CFAP97: variants seen among roughly 807,000 people sequenced by gnomAD.
CFAP97 encodes the protein cilia and flagella associated protein 97, also known as cilia- and flagella-associated protein 97.
CFAP97 carries 36 observed loss-of-function variants against 43.1 expected under a neutral mutation model. The observed-to-expected ratio is 0.84, with a 90% CI of 0.64 to 1.10. The LOEUF (loss-of-function observed/expected upper bound fraction) is 1.10. CFAP97 is among the 50% of genes least tolerant of loss of function. The probability of loss-of-function intolerance (pLI) is 0.00; values close to 1 mark genes in which losing one functional copy is unlikely to be tolerated. For synonymous variants in CFAP97, 228 were observed against 225.7 expected (o/e 1.01, Z -0.09); for missense variants, 657 against 620.3 (o/e 1.06, Z -0.63).
Position 185,170,939 on chromosome 4 carries a change from T to C in CFAP97, c.1320+4847A>G, listed in dbSNP as rs1052233384. 4.0e-5 allele frequency among the ~76,000 whole-genome samples: 5 copies of C among 126,424 alleles called. No homozygotes were observed. The Admixed American group carries it at 5.3e-4, about 13-fold the overall frequency. 82.9% of individuals were successfully genotyped at this position (126,424 alleles called of 152,430 possible). A position where few individuals can be genotyped will look rare whatever the true frequency, so the allele number is the denominator to read the frequency against. On this transcript the variant is annotated intron_variant, in intron 3 of 4. Transcript: ENST00000458385. ...GGCAGAGGTTGCAGTGAGCCAAGAC[T>C]GAGCCACTTACTCCAGCCTGGGCGA...
intron 2 of CFAP97, among the ~76,000 whole-genome samples, chr4:185,178,158 C>A (rs939377930): frequency 6.7e-6 from 1 of 149,066 alleles, no homozygotes; most frequent in Non-Finnish European, 1.5e-5. Context: ...TTTTGTAGAA[C>A]AAGGCTTCTA....
upstream of CFAP97, chr4:185,209,679 G>T: frequency 1.1e-6 from 1 of 949,472 alleles, no homozygotes; most frequent in Non-Finnish European, 1.3e-6. This position sits in a 1 kb window ranked among gnomAD's most constrained non-coding sequence, Gnocchi z 5.2. Context: ...CTGAGGGGTC[G>T]CCGAGAGGGG....
intron 3 of CFAP97, chr4:185,169,609 T>C (rs1560855817): frequency 2.0e-6 from 2 of 983,698 alleles, no homozygotes; most frequent in African/African-American, 1.7e-5. Context: ...ATTATTCTCT[T>C]TGGAAAAAAA....
chr4:185,161,836 T>A lies in CFAP97; in HGVS notation c.*962A>T, dbSNP rs966444015. ...CAAATTTTAGTTTTTTCAGGCCTTA[T>A]AAATACTTGCTGGAATTTCTAAAGC... On this transcript the variant is annotated 3_prime_UTR_variant, in exon 5 of 5. Coordinates refer to ENST00000458385, the MANE Select transcript of CFAP97 (RefSeq NM_020827.3). 1 of 152,254 alleles carries A rather than the reference T, an allele frequency of 6.6e-6. No individual in the cohort carries two copies. The highest frequency in any genetic ancestry group is 6.5e-5 in the Admixed American group (1 of 15,286). 9.4% of individuals were successfully genotyped at this position (152,254 alleles called of 1,614,324 possible). A position where few individuals can be genotyped will look rare whatever the true frequency, so the allele number is the denominator to read the frequency against.
At chr4:185,181,274 T>A (rs375376742) in intron 2 of CFAP97, among the ~76,000 whole-genome samples, 14 of 132,778 alleles carry the variant, frequency 1.1e-4, no homozygotes, top group East Asian at 2.2e-4. Flanking sequence ...AAAATAAAAA[T>A]AAAAAAAAAT....
chr4:185,170,229 C>T lies in CFAP97; in HGVS notation c.1320+5557G>A. The T allele has an allele frequency of 7.9e-6, 5 of 636,092 alleles. No homozygotes were observed. The South Asian group carries it at 8.9e-5, about 11-fold the overall frequency. 39.4% of individuals were successfully genotyped at this position (636,092 alleles called of 1,614,324 possible). On this transcript the variant is annotated intron_variant, in intron 3 of 4. Coordinates refer to ENST00000458385, the MANE Select transcript of CFAP97 (RefSeq NM_020827.3). The stretch of plus-strand genomic sequence containing the variant: ...GGTGTGGTGGTGTAAGCCTGTAGTT[C>T]CAGTTACTTGGGAGGCCGAGGCAGG...
intron 3 of CFAP97, chr4:185,170,261 A>C (rs1735241967): frequency 3.0e-6 from 2 of 656,564 alleles, no homozygotes; most frequent in Admixed American, 4.5e-5. Context: ...CAGGAGAATC[A>C]CTTGAACCCA....
rs756513906 is a variant in CFAP97 at position 185,190,834 on chromosome 4, G to C, written c.363C>G (p.Pro121=). Residue 121 remains proline, a synonymous_variant, in exon 2 of 5, where the codon CCC becomes CCG. Coordinates refer to ENST00000458385, the MANE Select transcript of CFAP97 (RefSeq NM_020827.3). ...KIHVSIPNRI[P]KIVKEGEDDY... is the part of the protein sequence containing the mutation. ...CATCTTCACCTTCTTTTACAATTTT[G>C]GGAATTCTATTTGGAATGGACACGT... The C allele has an allele frequency of 1.9e-6, 3 of 1,609,638 alleles. No homozygotes were observed. The highest frequency in any genetic ancestry group is 2.5e-6 in the Non-Finnish European group (3 of 1,177,648).
intron 3 of CFAP97, among the ~76,000 whole-genome samples, chr4:185,175,407 C>A (rs55683168): frequency 6.6e-6 from 1 of 152,076 alleles, no homozygotes; most frequent in Non-Finnish European, 1.5e-5. Flanking sequence ...TCTGGGACCA[C>A]GGGTGTGTGC....
intron 3 of CFAP97, among the ~76,000 whole-genome samples, chr4:185,171,170 G>A (rs951684380): frequency 6.6e-6 from 1 of 151,730 alleles, no homozygotes; most frequent in Non-Finnish European, 1.5e-5. Context: ...GAAAAGATGG[G>A]CTATTGTCTA....
chr4:185,165,909 A>G (rs1264575048), intron 3 of CFAP97, among the ~76,000 whole-genome samples: 1 of 152,162 alleles, frequency 6.6e-6, no homozygotes, highest in Non-Finnish European at 1.5e-5. Context: ...AAGCCAAGAT[A>G]TCCAGGGGAA....
chr4:185,193,860 C>A (rs1255046147), intron 1 of CFAP97, among the ~76,000 whole-genome samples: 1 of 138,210 alleles, frequency 7.2e-6, no homozygotes, highest in Admixed American at 7.2e-5. Context: ...TGCACTCCAG[C>A]CTGGGCGACA....
upstream of CFAP97, among the ~76,000 whole-genome samples, chr4:185,208,392 C>G (rs972263457): frequency 2.0e-5 from 3 of 152,126 alleles, no homozygotes; most frequent in African/African-American, 7.2e-5. Flanking sequence ...AAAGTCACAT[C>G]TAGCATGAGG....
chr4:185,188,228 T>C (rs1736087569), intron 2 of CFAP97, among the ~76,000 whole-genome samples: 1 of 151,908 alleles, frequency 6.6e-6, no homozygotes, highest in African/African-American at 2.4e-5. Flanking sequence ...ACATCCAGGG[T>C]TTCACTATGT....
chr4:185,202,780 T>C (rs1736935437), intron 1 of CFAP97, among the ~76,000 whole-genome samples: 1 of 152,190 alleles, frequency 6.6e-6, no homozygotes, highest in Admixed American at 6.5e-5. Flanking sequence ...CAGGTTTAAA[T>C]TTTAGTTAAT....
At chr4:185,171,349 C>T (rs1005409273) in intron 3 of CFAP97, among the ~76,000 whole-genome samples, 2 of 152,152 alleles carry the variant, frequency 1.3e-5, no homozygotes, top group Non-Finnish European at 2.9e-5. Context: ...AAAAAAATCC[C>T]CCCAAAACAA....
At chr4:185,189,224 A>G (rs1736129196) in intron 2 of CFAP97, among the ~76,000 whole-genome samples, 1 of 152,120 alleles carries the variant, frequency 6.6e-6, no homozygotes, top group Admixed American at 6.5e-5. Flanking sequence ...ATGACAGAGA[A>G]AGACCTTATC....
Position 185,172,164 on chromosome 4 carries a change from TAAA to T in CFAP97, c.1320+3619_1320+3621del, listed in dbSNP as rs1434252937. Among the ~76,000 whole-genome samples the T allele has an allele frequency of 2.6e-5, 4 of 152,344 alleles. No individual in the cohort carries two copies. In the East Asian group the frequency reaches 7.7e-4, roughly 29 times the overall value. ...TCTACTGATAAAGTTATCTACTGGA[TAAA>T]AACACTCTATTGGATAAAATTTTCA... On this transcript the variant is annotated intron_variant, in intron 3 of 4. Transcript: ENST00000458385.
chr4:185,208,972 G>T (rs976091573), upstream of CFAP97, among the ~76,000 whole-genome samples: 12 of 152,166 alleles, frequency 7.9e-5, no homozygotes, highest in Non-Finnish European at 1.0e-4. Context: ...GATAGCATTT[G>T]AACTGAATAG....
Sources: gnomAD v4.1 joint callset for allele counts (sites outside exome capture counted in the v4.1 genomes callset) on GRCh38, gnomAD v4.1.1 for gene constraint, Gnocchi (gnomAD v3.1) non-coding constraint, MANE v1.5 for transcripts, NCBI Gene and HGNC (gene_info 2026-07-23, HGNC 2026-07-21) for gene names.